Variants in GRID2 observed in about 807,000 individuals in gnomAD.
GRID2 encodes the protein glutamate ionotropic receptor delta type subunit 2.
In GRID2, 33 loss-of-function variants were observed where a neutral mutation model predicts 114.8. The observed-to-expected ratio is 0.29, with a 90% confidence interval of 0.22 to 0.38. GRID2 has a LOEUF of 0.38. GRID2 is among the 10% of genes least tolerant of loss of function. The probability of loss-of-function intolerance (pLI) is 1.00; values close to 1 mark genes in which losing one functional copy is unlikely to be tolerated. For missense variants in GRID2, 1,184 were observed against 1,257.7 expected (o/e 0.94, Z 0.89); for synonymous variants, 505 against 449.9 (o/e 1.12, Z -1.55).
intron 4 of GRID2, among the ~76,000 whole-genome samples, chr4:93,199,368 T>C (rs1741840648): frequency 6.6e-6 from 1 of 152,234 alleles, no homozygotes; most frequent in Non-Finnish European, 1.5e-5. Context: ...AAAGTTGGTC[T>C]ATGCCACATG....
intron 10 of GRID2, among the ~76,000 whole-genome samples, chr4:93,442,070 T>C (rs976953955): frequency 6.6e-6 from 1 of 152,040 alleles, no homozygotes; most frequent in Non-Finnish European, 1.5e-5. Context: ...TTCTGGGAGC[T>C]AGTTATCTTC....
At chr4:92,690,183 G>C (rs1734108192) in intron 2 of GRID2, among the ~76,000 whole-genome samples, 1 of 150,702 alleles carries the variant, frequency 6.6e-6, no homozygotes. Flanking sequence ...ATCATTTCTA[G>C]CTTTCAACTG....
At chr4:93,624,500 C>T (rs944794604) in intron 13 of GRID2, among the ~76,000 whole-genome samples, 2 of 151,842 alleles carry the variant, frequency 1.3e-5, no homozygotes, top group Admixed American at 6.6e-5. Context: ...TTTTTTCTTC[C>T]TGGTTTACCA....
intron 1 of GRID2, among the ~76,000 whole-genome samples, chr4:92,559,507 C>T (rs943024184): frequency 1.3e-5 from 2 of 152,070 alleles, no homozygotes; most frequent in Admixed American, 6.6e-5. Flanking sequence ...GATTTTGGAA[C>T]ATTTTGGATT....
rs189643735 is a variant in GRID2, at chr4:92,520,711, G to A, written c.89-69420G>A. ...TAGTCAGGATCAATCATGCTAAGCT[G>A]GAACAGTGACTCTTTTCCCTGATGG... is the stretch of plus-strand genomic sequence containing the variant. On this transcript the variant is annotated intron_variant, in intron 1 of 15. Coordinates refer to ENST00000282020, the MANE Select transcript of GRID2 (RefSeq NM_001510.4). 3.9e-5 allele frequency among the ~76,000 whole-genome samples: 6 copies of A among 152,002 alleles called. No individual in the cohort carries two copies. In the East Asian group the frequency reaches 1.2e-3, roughly 30 times the overall value.
At chr4:92,626,002 T>A (rs1171063824) in intron 2 of GRID2, among the ~76,000 whole-genome samples, 1 of 152,004 alleles carries the variant, frequency 6.6e-6, no homozygotes, top group Non-Finnish European at 1.5e-5. Flanking sequence ...ATTTTTGGCA[T>A]CAGGGAAGTC....
chr4:92,589,489 T>C, intron 1 of GRID2, among the ~76,000 whole-genome samples: 1 of 152,216 alleles, frequency 6.6e-6, no homozygotes, highest in East Asian at 1.9e-4. Context: ...TTTATCATCA[T>C]CATATTTACA....
At chr4:93,727,294 A>G (rs1730008909) in intron 14 of GRID2, among the ~76,000 whole-genome samples, 1 of 152,028 alleles carries the variant, frequency 6.6e-6, no homozygotes, top group African/African-American at 2.4e-5. Context: ...ACATTTATTG[A>G]TTTGCGTATG....
intron 8 of GRID2, among the ~76,000 whole-genome samples, chr4:93,295,003 A>C (rs1754143235): frequency 6.6e-6 from 1 of 152,234 alleles, no homozygotes. Flanking sequence ...CCTGAGCAAC[A>C]GGAAGGACAG....
intron 14 of GRID2, among the ~76,000 whole-genome samples, chr4:93,724,775 C>A (rs1189710327): frequency 6.6e-6 from 1 of 151,768 alleles, no homozygotes; most frequent in Non-Finnish European, 1.5e-5. Context: ...TGTTCCAGAG[C>A]TTATTTTTGT....
At chr4:93,488,892 G>T in intron 11 of GRID2, among the ~76,000 whole-genome samples, 1 of 151,846 alleles carries the variant, frequency 6.6e-6, no homozygotes, top group East Asian at 2.0e-4. Context: ...TAGAATCCAT[G>T]CTTACAATCT....
chr4:92,850,340 C>T (rs1743683416), intron 2 of GRID2, among the ~76,000 whole-genome samples: 1 of 151,678 alleles, frequency 6.6e-6, no homozygotes, highest in Non-Finnish European at 1.5e-5. Context: ...TAAAAATATG[C>T]ATTGTTTCAG....
chr4:92,597,925 A>G (rs1729030613), intron 2 of GRID2, among the ~76,000 whole-genome samples: 1 of 152,164 alleles, frequency 6.6e-6, no homozygotes, highest in South Asian at 2.1e-4. Flanking sequence ...GGAATTTTCA[A>G]TCTGTTATCA....
chr4:93,585,826 C>T (rs1737484915), intron 13 of GRID2, among the ~76,000 whole-genome samples: 1 of 152,024 alleles, frequency 6.6e-6, no homozygotes, highest in African/African-American at 2.4e-5. Context: ...TTTCATAACA[C>T]ACATTTTCTA....
intron 10 of GRID2, among the ~76,000 whole-genome samples, chr4:93,454,666 C>T (rs778971898): frequency 2.6e-5 from 4 of 152,034 alleles, no homozygotes; most frequent in Non-Finnish European, 5.9e-5. Context: ...TAGCATTCTA[C>T]TAGGGATGTT....
intron 2 of GRID2, among the ~76,000 whole-genome samples, chr4:92,930,241 C>T (rs1750125193): frequency 6.6e-6 from 1 of 151,256 alleles, no homozygotes; most frequent in Non-Finnish European, 1.5e-5. Context: ...TGCTTTTTAT[C>T]ATAGCTTAGA....
At chr4:92,590,553 C>T (rs919972991) in intron 2 of GRID2, among the ~76,000 whole-genome samples, 5 of 152,084 alleles carry the variant, frequency 3.3e-5, no homozygotes, top group Admixed American at 6.6e-5. Context: ...ATTTTTATGA[C>T]TTCAGTGTAA....
At chr4:93,765,546 T>G (rs888779977) in intron 14 of GRID2, among the ~76,000 whole-genome samples, 1 of 151,426 alleles carries the variant, frequency 6.6e-6, no homozygotes, top group African/African-American at 2.4e-5. Flanking sequence ...AATTCTGCAA[T>G]TAAATGATTT....
chr4:93,542,146 T>G (rs1015343256), intron 13 of GRID2, among the ~76,000 whole-genome samples: 30 of 152,152 alleles, frequency 2.0e-4, no homozygotes, highest in Non-Finnish European at 1.5e-5. Flanking sequence ...TTCCTCTCAC[T>G]AGACTGGGGC....
Sources: gnomAD v4.1 joint callset for allele counts (sites outside exome capture counted in the v4.1 genomes callset) on GRCh38, gnomAD v4.1.1 for gene constraint, MANE v1.5 for transcripts, NCBI Gene and HGNC (gene_info 2026-07-23, HGNC 2026-07-21) for gene names.